The following DLGAP2 variants were observed in gnomAD, a reference collection of about 807,000 sequenced individuals.
The protein encoded by DLGAP2 is disks large-associated protein 2.
A neutral mutation model predicts 100.3 loss-of-function variants in DLGAP2; 26 were observed. That is an observed-to-expected ratio of 0.26 (90% CI 0.19 to 0.36). DLGAP2 has a LOEUF of 0.36. Among genes scored for constraint, DLGAP2 ranks in the 10% least tolerant of loss-of-function variants. DLGAP2 has a pLI of 1.00. For synonymous variants in DLGAP2, 886 were observed against 630.1 expected, an observed-to-expected ratio of 1.41 and a Z score of -6.08; for missense variants, 1,858 against 1,453.2, an observed-to-expected ratio of 1.28 and a Z score of -4.53.
chr8:998,175 C>G (rs1800841237), intron 2 of DLGAP2, among the ~76,000 whole-genome samples: 1 of 152,228 alleles, frequency 6.6e-6, no homozygotes, highest in Non-Finnish European at 1.5e-5. Flanking sequence ...TGTATACACA[C>G]AAATGTGCAT....
intron 3 of DLGAP2, among the ~76,000 whole-genome samples, chr8:1,265,932 A>T (rs945140883): frequency 6.6e-6 from 1 of 152,252 alleles, no homozygotes; most frequent in African/African-American, 2.4e-5. Context: ...TATAGATAAA[A>T]TCATTGTTTA....
chr8:1,619,836 A>C (rs1447807813), intron 6 of DLGAP2: 1 of 152,214 alleles, frequency 6.6e-6, no homozygotes, highest in South Asian at 2.1e-4. Context: ...TTCAGGCATC[A>C]ACACATGTGC....
intron 2 of DLGAP2, among the ~76,000 whole-genome samples, chr8:1,177,981 C>G (rs1797298896): frequency 6.6e-6 from 1 of 152,222 alleles, no homozygotes; most frequent in South Asian, 2.1e-4. Flanking sequence ...CACAGCATCT[C>G]CCGGTGAAGG....
intron 4 of DLGAP2, among the ~76,000 whole-genome samples, chr8:1,506,481 C>T (rs1048675249): frequency 2.0e-5 from 3 of 152,174 alleles, no homozygotes; most frequent in African/African-American, 7.2e-5. Flanking sequence ...AGGAGTGAAG[C>T]TGCAGATCTT....
intron 4 of DLGAP2, among the ~76,000 whole-genome samples, chr8:1,517,972 CACTA>C (rs1303383792): frequency 3.3e-5 from 5 of 152,208 alleles, no homozygotes; most frequent in Non-Finnish European, 2.9e-5. Context: ...CAGTAACACA[CACTA>C]ACTGAATTTC....
chr8:1,550,020 A>G (rs1801706718), intron 5 of DLGAP2, among the ~76,000 whole-genome samples: 3 of 151,988 alleles, frequency 2.0e-5, no homozygotes, highest in South Asian at 2.1e-4. Flanking sequence ...ACATCTCCCA[A>G]TTCTTCCCCA....
intron 8 of DLGAP2, among the ~76,000 whole-genome samples, chr8:1,660,296 A>G (rs1798380584): frequency 6.6e-6 from 1 of 152,248 alleles, no homozygotes; most frequent in South Asian, 2.1e-4. Context: ...GGAAAATTCT[A>G]CTAAGATCTT....
intron 3 of DLGAP2, among the ~76,000 whole-genome samples, chr8:1,314,010 C>A (rs548161896): frequency 1.3e-5 from 2 of 152,040 alleles, no homozygotes; most frequent in Non-Finnish European, 2.9e-5. Flanking sequence ...CTGTATGATA[C>A]GAAACACGTG....
chr8:1,246,421 G>A (rs1054908394), intron 2 of DLGAP2, among the ~76,000 whole-genome samples: 2 of 152,178 alleles, frequency 1.3e-5, no homozygotes, highest in Admixed American at 6.5e-5. Context: ...CCTGCCATCC[G>A]CGGCTGCTGA....
In DLGAP2 at chr8:1,705,206, G is replaced by A. The variant is rs1344806130; in HGVS notation, c.*3800G>A. The A allele has an allele frequency of 6.6e-6, 1 of 152,240 alleles. No individual in the cohort carries two copies. The highest frequency in any genetic ancestry group is 2.4e-5 in the African/African-American group (1 of 41,424). 9.4% of individuals were successfully genotyped at this position (152,240 alleles called of 1,614,324 possible). On this transcript the variant is annotated 3_prime_UTR_variant, in exon 15 of 15. Transcript: ENST00000637795. ...GGGCGAGTAGGGAGTGGGGGAGGTG[G>A]GTCCAAGTCTCCCTCAGGAAGGCCT...
intron 1 of DLGAP2, among the ~76,000 whole-genome samples, chr8:743,966 G>A (rs1412928655): frequency 2.0e-5 from 3 of 152,396 alleles, no homozygotes; most frequent in Admixed American, 2.0e-4. Flanking sequence ...TTCACGTCGT[G>A]TGTCCTGCAG....
chr8:1,074,972 G>T (rs1457803207), intron 2 of DLGAP2, among the ~76,000 whole-genome samples: 1 of 150,020 alleles, frequency 6.7e-6, no homozygotes, highest in African/African-American at 2.5e-5. Context: ...AGTGCAGCAG[G>T]GAGTGGTGAC....
chr8:1,193,346 C>T (rs549076497), intron 2 of DLGAP2, among the ~76,000 whole-genome samples: 2 of 152,256 alleles, frequency 1.3e-5, no homozygotes, highest in African/African-American at 4.8e-5. Context: ...TGTTTCCTGG[C>T]TTTTTAATGA....
At chr8:1,497,357 TAA>T (rs1799578641) in intron 3 of DLGAP2, among the ~76,000 whole-genome samples, 1 of 152,098 alleles carries the variant, frequency 6.6e-6, no homozygotes, top group South Asian at 2.1e-4. Context: ...CCATGGGAAG[TAA>T]AGAGGCTAGG....
At chr8:818,643 CCTAT>C (rs1299944511) in intron 1 of DLGAP2, among the ~76,000 whole-genome samples, 2 of 152,174 alleles carry the variant, frequency 1.3e-5, no homozygotes, top group African/African-American at 2.4e-5. Context: ...AGTCCTGCCT[CCTAT>C]CTGTCATCTT....
At chr8:1,553,731 G>A (rs1801862277) in intron 5 of DLGAP2, among the ~76,000 whole-genome samples, 2 of 152,076 alleles carry the variant, frequency 1.3e-5, no homozygotes, top group Admixed American at 6.5e-5. Context: ...AGGACGTGTT[G>A]CGGGTCCCAT....
rs566767641 is a variant in DLGAP2, at chr8:1,442,657, G to A, written c.107-58709G>A. Among the ~76,000 whole-genome samples, 38 of 146,464 alleles carry A rather than the reference G, an allele frequency of 2.6e-4. No individual in the cohort carries two copies. In the South Asian group the frequency reaches 3.1e-3, roughly 12 times the overall value. ...TGTGGGTTCAGCCACTGGAGGAGAC[G>A]GATCCGGGCATAGACCCGCCAGGCT... On this transcript the variant is annotated intron_variant, in intron 3 of 14. Coordinates refer to ENST00000637795, the MANE Select transcript of DLGAP2 (RefSeq NM_001346810.2).
chr8:871,280 C>T (rs1471814581), intron 1 of DLGAP2, among the ~76,000 whole-genome samples: 1 of 152,216 alleles, frequency 6.6e-6, no homozygotes, highest in Non-Finnish European at 1.5e-5. Context: ...TAATTGGCTG[C>T]ACTATCTTCT....
At chr8:942,500 T>C (rs1799219726) in intron 2 of DLGAP2, among the ~76,000 whole-genome samples, 1 of 152,242 alleles carries the variant, frequency 6.6e-6, no homozygotes, top group African/African-American at 2.4e-5. Context: ...AGGTCCAGCA[T>C]CCCAGCTCTC....
Sources: gnomAD v4.1 joint callset for allele counts (sites outside exome capture counted in the v4.1 genomes callset) on GRCh38, gnomAD v4.1.1 for gene constraint, MANE v1.5 for transcripts, NCBI Gene and HGNC (gene_info 2026-07-23, HGNC 2026-07-21) for gene names.